SGCZ: variants seen among roughly 807,000 people sequenced by gnomAD.
SGCZ encodes zeta-sarcoglycan.
Under a neutral mutation model 41.3 loss-of-function variants are expected in SGCZ, and 40 were observed. That is an observed-to-expected ratio of 0.97 (90% CI 0.75 to 1.26). The LOEUF (loss-of-function observed/expected upper bound fraction) is 1.26, where lower values mean the gene tolerates loss of function less well. SGCZ is among the 50% of genes most tolerant of loss of function. The pLI, the probability that SGCZ is intolerant of heterozygous loss-of-function variation, is 0.00. For synonymous variants in SGCZ, 206 were observed against 137.5 expected (o/e 1.50, Z -3.49); for missense variants, 552 against 369.8 (o/e 1.49, Z -4.04).
At chr8:14,665,474 C>T (rs753701069) in intron 1 of SGCZ, among the ~76,000 whole-genome samples, 7 of 152,112 alleles carry the variant, frequency 4.6e-5, no homozygotes, top group South Asian at 2.1e-4. Flanking sequence ...AGTAAACATA[C>T]GTGTGCGTGT....
chr8:14,974,483 G>C (rs1164118903), intron 1 of SGCZ, among the ~76,000 whole-genome samples: 1 of 152,104 alleles, frequency 6.6e-6, no homozygotes, highest in Non-Finnish European at 1.5e-5. Context: ...GCATTTCCTA[G>C]GTGCTAGCTT....
At position 15,002,594 on chromosome 8, in the gene SGCZ, A is replaced by T. The variant is rs117904911; in HGVS notation, c.39+234991T>A. The stretch of plus-strand genomic sequence containing the variant: ...AAAATTGAAGTGAGAAATAAGACTG[A>T]CTCCAGAAGCAAAGGAAAAACCTCA... On this transcript the variant is annotated intron_variant, in intron 1 of 7. Transcript: ENST00000382080. 3.8e-3 allele frequency among the ~76,000 whole-genome samples: 584 copies of T among 152,006 alleles called. 7 individuals are homozygous for T. The highest frequency in any genetic ancestry group is 0.02 in the South Asian group (96 of 4,814).
intron 1 of SGCZ, among the ~76,000 whole-genome samples, chr8:15,162,237 CT>C (rs1376128203): frequency 2.0e-5 from 3 of 151,508 alleles, no homozygotes; most frequent in African/African-American, 4.9e-5. Flanking sequence ...CATACCATAG[CT>C]TTTGCATTAA....
chr8:14,116,671 G>A (rs976334919), intron 5 of SGCZ, among the ~76,000 whole-genome samples: 2 of 151,954 alleles, frequency 1.3e-5, no homozygotes, highest in African/African-American at 4.8e-5. Flanking sequence ...GCTCAAGGTT[G>A]CTCCTTTGAT....
At chr8:14,939,124 T>C (rs2130817412) in intron 1 of SGCZ, among the ~76,000 whole-genome samples, 1 of 152,246 alleles carries the variant, frequency 6.6e-6, no homozygotes, top group Middle Eastern at 3.4e-3. Context: ...GTTCCAGGAT[T>C]CCTGATGATT....
At chr8:14,770,260 G>C (rs182478874) in intron 1 of SGCZ, among the ~76,000 whole-genome samples, 2 of 151,566 alleles carry the variant, frequency 1.3e-5, no homozygotes, top group Non-Finnish European at 1.5e-5. Context: ...GACTAGTAGT[G>C]CCAAGACAGA....
At chr8:15,187,972 A>T (rs1236754675) in intron 1 of SGCZ, among the ~76,000 whole-genome samples, 1 of 152,054 alleles carries the variant, frequency 6.6e-6, no homozygotes, top group Non-Finnish European at 1.5e-5. Context: ...TGATATCCGT[A>T]TTTGTGTATG....
chr8:14,781,119 G>A (rs186997117), intron 1 of SGCZ, among the ~76,000 whole-genome samples: 2 of 152,136 alleles, frequency 1.3e-5, no homozygotes, highest in Admixed American at 1.3e-4. Flanking sequence ...ATCATATTAC[G>A]TACTAATTAG....
At chr8:14,180,481 C>A (rs1804686278) in intron 4 of SGCZ, among the ~76,000 whole-genome samples, 1 of 152,040 alleles carries the variant, frequency 6.6e-6, no homozygotes. Context: ...ACGTATCCAA[C>A]ACTGAGCACT....
rs1290941069 is a variant in SGCZ, at chr8:15,127,168, A to G, written c.39+110417T>C. 3.3e-5 allele frequency among the ~76,000 whole-genome samples: 5 copies of G among 152,108 alleles called. No homozygotes were observed. In the East Asian group the frequency reaches 9.6e-4, roughly 29 times the overall value. On this transcript the variant is annotated intron_variant, in intron 1 of 7. Transcript: ENST00000382080. The stretch of plus-strand genomic sequence containing the variant: ...AGAACTATAGGGTAGTCAAAGAGGT[A>G]CAGGCTACAACTATTATCCCCTAAG...
chr8:14,302,760 C>T (rs1801239024), intron 3 of SGCZ, among the ~76,000 whole-genome samples: 1 of 152,146 alleles, frequency 6.6e-6, no homozygotes, highest in African/African-American at 2.4e-5. Flanking sequence ...AACACCGACC[C>T]TAAATTTTTT....
intron 1 of SGCZ, among the ~76,000 whole-genome samples, chr8:15,105,268 C>T (rs571957512): frequency 2.6e-5 from 4 of 152,216 alleles, no homozygotes; most frequent in East Asian, 1.9e-4. Context: ...TCTGTATTTT[C>T]GACCTTGTCC....
chr8:15,109,173 T>C (rs1806948383), intron 1 of SGCZ, among the ~76,000 whole-genome samples: 1 of 152,186 alleles, frequency 6.6e-6, no homozygotes, highest in African/African-American at 2.4e-5. Flanking sequence ...TTGATGATGA[T>C]GGAGATCATT....
chr8:14,129,972 A>G (rs1802988424), intron 5 of SGCZ, among the ~76,000 whole-genome samples: 1 of 152,206 alleles, frequency 6.6e-6, no homozygotes, highest in South Asian at 2.1e-4. Flanking sequence ...CATTTTGTGC[A>G]GATATGGAAA....
intron 1 of SGCZ, among the ~76,000 whole-genome samples, chr8:15,096,754 C>T (rs113793097): frequency 1.3e-5 from 2 of 152,028 alleles, no homozygotes; most frequent in African/African-American, 2.4e-5. Context: ...GGTGCAATCT[C>T]GGCTCACTGT....
chr8:14,653,184 A>G (rs1003768387), intron 1 of SGCZ, among the ~76,000 whole-genome samples: 2 of 152,034 alleles, frequency 1.3e-5, no homozygotes, highest in African/African-American at 4.8e-5. Flanking sequence ...CCTTTGCACT[A>G]TGTTTGGGTC....
intron 1 of SGCZ, among the ~76,000 whole-genome samples, chr8:14,962,369 G>C (rs898801221): frequency 6.7e-5 from 10 of 149,476 alleles, no homozygotes; most frequent in Admixed American, 2.6e-4. Context: ...AGGGGAAAAA[G>C]TCAAATCAAG....
intron 2 of SGCZ, among the ~76,000 whole-genome samples, chr8:14,518,081 T>C (rs1802678168): frequency 6.6e-6 from 1 of 151,906 alleles, no homozygotes; most frequent in Non-Finnish European, 1.5e-5. Context: ...TTAATGAAAG[T>C]GCATAGTCTA....
chr8:14,187,516 G>A (rs1268263524), intron 4 of SGCZ, among the ~76,000 whole-genome samples: 1 of 151,960 alleles, frequency 6.6e-6, no homozygotes, highest in Non-Finnish European at 1.5e-5. Context: ...TATCAACAAA[G>A]ATATAGGAAT....
Sources: allele counts gnomAD v4.1 joint callset (sites outside exome capture counted in the v4.1 genomes callset), GRCh38; gene constraint gnomAD v4.1.1; transcripts MANE v1.5; gene names NCBI Gene and HGNC (gene_info 2026-07-23, HGNC 2026-07-21).